CHRM3: variants seen among roughly 807,000 people sequenced by gnomAD.
CHRM3 encodes the protein cholinergic receptor muscarinic 3, also known as muscarinic acetylcholine receptor M3.
Under a neutral mutation model 41.8 loss-of-function variants are expected in CHRM3, and 11 were observed. That is an observed-to-expected ratio of 0.26 (90% CI 0.17 to 0.44). The LOEUF is 0.44. Ranked by LOEUF, CHRM3 falls within the 20% of genes least tolerant of loss-of-function variation. The pLI is 1.00. For synonymous variants in CHRM3, 297 were observed against 301.4 expected (o/e 0.99, Z 0.15); for missense variants, 571 against 745.4 (o/e 0.77, Z 2.72).
intron 6 of CHRM3, among the ~76,000 whole-genome samples, chr1:239,840,805 C>G (rs1414555556): frequency 6.6e-6 from 1 of 152,060 alleles, no homozygotes; most frequent in African/African-American, 2.4e-5. Context: ...GTTTTCTCTC[C>G]AGAATTTCTA....
intron 6 of CHRM3, among the ~76,000 whole-genome samples, chr1:239,874,299 A>ATATATATATATATACACAGTG (rs1553291962): frequency 2.6e-5 from 3 of 116,700 alleles, no homozygotes; most frequent in Non-Finnish European, 5.0e-5. Context: ...ATATATATAT[A>ATATATATATATATACACAGTG]TATATATATA....
In CHRM3 at chr1:239,437,555, G is replaced by T. The variant is rs142951586; in HGVS notation, c.-521+50328G>T. ...TTTTATTTTTATTTTTATTTTTTTT[G>T]AGACGGAGTCTCTCTCTGTCACCCA... On this transcript the variant is annotated intron_variant, in intron 1 of 6. Transcript: ENST00000676153. Among the ~76,000 whole-genome samples the T allele has an allele frequency of 3.6e-3, 542 of 151,762 alleles. 5 individuals are homozygous for T. Among genetic ancestry groups the T allele is most frequent in the African/African-American group, 0.013 (521 of 41,406 alleles).
intron 4 of CHRM3, among the ~76,000 whole-genome samples, chr1:239,668,912 T>C (rs1364900504): frequency 3.3e-5 from 5 of 152,190 alleles, no homozygotes; most frequent in Non-Finnish European, 7.3e-5. Flanking sequence ...TATTCCACTT[T>C]ACACCGCACT....
intron 5 of CHRM3, among the ~76,000 whole-genome samples, chr1:239,722,258 T>C (rs1663042741): frequency 6.6e-6 from 1 of 151,898 alleles, no homozygotes; most frequent in African/African-American, 2.4e-5. Flanking sequence ...AATGCATCTT[T>C]GTTTCAGTCA....
chr1:239,456,533 C>T (rs927391262), intron 1 of CHRM3, among the ~76,000 whole-genome samples: 6 of 152,072 alleles, frequency 3.9e-5, no homozygotes, highest in African/African-American at 1.2e-4. Flanking sequence ...TCTACGATGT[C>T]GGCGTAATGA....
At chr1:239,560,696 G>A (rs912259987) in intron 3 of CHRM3, among the ~76,000 whole-genome samples, 4 of 151,718 alleles carry the variant, frequency 2.6e-5, no homozygotes, top group African/African-American at 9.7e-5. Flanking sequence ...ATGTGTGTGT[G>A]TATATATATA....
chr1:239,400,157 C>T (rs1217535600), intron 1 of CHRM3, among the ~76,000 whole-genome samples: 1 of 152,218 alleles, frequency 6.6e-6, no homozygotes, highest in East Asian at 1.9e-4. Flanking sequence ...GATCCGCCCA[C>T]CTCGGCCTTC....
intron 1 of CHRM3, among the ~76,000 whole-genome samples, chr1:239,454,674 A>G (rs1664792070): frequency 6.6e-6 from 1 of 152,190 alleles, no homozygotes; most frequent in African/African-American, 2.4e-5. Context: ...GCCATCAGTC[A>G]TCTCAGCATA....
intron 3 of CHRM3, among the ~76,000 whole-genome samples, chr1:239,577,652 T>C (rs1242874993): frequency 1.3e-5 from 2 of 152,222 alleles, no homozygotes; most frequent in Admixed American, 1.3e-4. Context: ...ACAAATTACT[T>C]AATCATTTCG....
chr1:239,437,573 G>C, intron 1 of CHRM3, among the ~76,000 whole-genome samples: 1 of 152,014 alleles, frequency 6.6e-6, no homozygotes, highest in Non-Finnish European at 1.5e-5. Context: ...GTCTCTCTCT[G>C]TCACCCAGGC....
intron 6 of CHRM3, among the ~76,000 whole-genome samples, chr1:239,844,932 C>A (rs1052882935): frequency 1.3e-5 from 2 of 152,156 alleles, no homozygotes; most frequent in Non-Finnish European, 2.9e-5. Flanking sequence ...ACATGGAATG[C>A]AGTGTGAACT....
chr1:239,911,932 A>G lies in CHRM3; in HGVS notation c.*2708A>G, dbSNP rs2103066904. The G allele has an allele frequency of 1.2e-5, 2 of 167,200 alleles. No homozygotes were observed. Among genetic ancestry groups the G allele is most frequent in the South Asian group, 4.1e-4 (2 of 4,828 alleles). 10.4% of individuals were successfully genotyped at this position (167,200 alleles called of 1,614,324 possible). On this transcript the variant is annotated 3_prime_UTR_variant, in exon 7 of 7. Coordinates refer to ENST00000676153, the MANE Select transcript of CHRM3 (RefSeq NM_001375978.1). The stretch of plus-strand genomic sequence containing the variant: ...GAGTATTTATAATTGGACCTTAGTT[A>G]CACGTGCATTTCTCAAAGGGCTTGT...
chr1:239,808,325 T>C (rs1261844462), intron 5 of CHRM3, among the ~76,000 whole-genome samples: 4 of 152,170 alleles, frequency 2.6e-5, no homozygotes, highest in Admixed American at 1.3e-4. Context: ...TACCACTCAA[T>C]AAAATGCTAG....
rs1048533473 is a variant in CHRM3 at position 239,592,755 on chromosome 1, C to T, written c.-312-39469C>T. Among the ~76,000 whole-genome samples the T allele has an allele frequency of 2.0e-5, 3 of 151,964 alleles. No homozygotes were observed. In the South Asian group the frequency reaches 6.2e-4, roughly 32 times the overall value. ...AGTTGGTGGGCATTTGGGTTGTTTC[C>T]ACTTTGGGACTATTTTGAATAACGT... On this transcript the variant is annotated intron_variant, in intron 3 of 6. Transcript: ENST00000676153.
intron 6 of CHRM3, among the ~76,000 whole-genome samples, chr1:239,846,707 T>C (rs1018225727): frequency 1.3e-5 from 2 of 152,168 alleles, no homozygotes; most frequent in African/African-American, 2.4e-5. Flanking sequence ...AAACCTGTGA[T>C]CATGTAAGTT....
chr1:239,512,947 T>C (rs1669020768), intron 2 of CHRM3, among the ~76,000 whole-genome samples: 1 of 152,158 alleles, frequency 6.6e-6, no homozygotes, highest in African/African-American at 2.4e-5. Context: ...TGTCTCCCTT[T>C]GTGCTAAAGC....
Position 239,908,734 on chromosome 1 carries a change from C to G in CHRM3, c.1283C>G (p.Pro428Arg). ...GSFPKSFSKLPIQLESAVDTA... is the reference protein window; with the variant it reads ...GSFPKSFSKLRIQLESAVDTA... ...TTTCCAAAAAGCTTCTCCAAGCTTCCCATCCAGCTAGAGTCAGCCGTGGAC... is the reference window on the plus strand; with the variant it reads ...TTTCCAAAAAGCTTCTCCAAGCTTCGCATCCAGCTAGAGTCAGCCGTGGAC... Residue 428 changes from proline to arginine, a missense_variant, in exon 7 of 7, where the codon CCC becomes CGC. This residue lies in a region of CHRM3 where 239 missense variants were observed against 239.6 expected (regional missense o/e 1.00). Coordinates refer to ENST00000676153, the MANE Select transcript of CHRM3 (RefSeq NM_001375978.1). The surrounding 1 kb of genome is among the most constrained non-coding windows in gnomAD (Gnocchi z 7.2). 1.9e-6 allele frequency: 3 copies of G among 1,613,644 alleles called. No homozygotes were observed. The highest frequency in any genetic ancestry group is 2.5e-6 in the Non-Finnish European group (3 of 1,179,850).
At chr1:239,501,525 T>C (rs972709102) in intron 2 of CHRM3, among the ~76,000 whole-genome samples, 2 of 152,166 alleles carry the variant, frequency 1.3e-5, no homozygotes, top group African/African-American at 4.8e-5. Context: ...TGAATGAGCA[T>C]TGGGTCAAAA....
intron 1 of CHRM3, among the ~76,000 whole-genome samples, chr1:239,467,647 T>C (rs1665828090): frequency 6.6e-6 from 1 of 152,080 alleles, no homozygotes; most frequent in Non-Finnish European, 1.5e-5. Flanking sequence ...AAAAATGGGG[T>C]ATATGATTGC....
Sources: allele counts gnomAD v4.1 joint callset (sites outside exome capture counted in the v4.1 genomes callset), GRCh38; gene constraint gnomAD v4.1.1; regional missense constraint gnomAD v4.1.1; non-coding constraint Gnocchi (gnomAD v3.1); transcripts MANE v1.5; gene names NCBI Gene and HGNC (gene_info 2026-07-23, HGNC 2026-07-21).